The following NBAS variants were observed in gnomAD, a reference collection of about 807,000 sequenced individuals.
NBAS encodes the protein NBAS subunit of NRZ tethering complex.
NBAS carries 219 observed loss-of-function variants against 302.5 expected under a neutral mutation model. The observed-to-expected ratio is 0.72, with a 90% CI of 0.65 to 0.81. NBAS has a LOEUF of 0.81. Among genes scored for constraint, NBAS ranks in the 30% least tolerant of loss-of-function variants. NBAS has a pLI of 0.00. For missense variants in NBAS, 2,932 were observed against 2,841.6 expected (o/e 1.03, Z -0.72); for synonymous variants, 1,118 against 1,021.6 (o/e 1.09, Z -1.80).
At chr2:15,256,445 G>C (rs1202028231) in intron 44 of NBAS, among the ~76,000 whole-genome samples, 1 of 152,114 alleles carries the variant, frequency 6.6e-6, no homozygotes, top group African/African-American at 2.4e-5. Flanking sequence ...GAAGCTTTTT[G>C]GATGAGTCGT....
the NBAS span, among the ~76,000 whole-genome samples, chr2:14,783,103 C>A: frequency 6.6e-6 from 1 of 151,534 alleles, no homozygotes; most frequent in Non-Finnish European, 1.5e-5. Flanking sequence ...ACCCCTGAAC[C>A]GAAAATAAAA....
At chr2:15,032,278 G>C in the NBAS span, among the ~76,000 whole-genome samples, 1 of 152,198 alleles carries the variant, frequency 6.6e-6, no homozygotes, top group Admixed American at 6.5e-5. Flanking sequence ...GAGTTTTGAG[G>C]TGCATGCTAG....
In NBAS at chr2:15,374,858, T is replaced by C. The variant is rs2049720; in HGVS notation, c.3591-138A>G. The C allele has an allele frequency of 0.61, 440,254 of 718,908 alleles. 140,771 individuals carry two copies. The highest frequency in any genetic ancestry group is 0.68 in the Non-Finnish European group (283,447 of 418,092). 44.5% of individuals were successfully genotyped at this position (718,908 alleles called of 1,614,324 possible). A position where few individuals can be genotyped will look rare whatever the true frequency, so the allele number is the denominator to read the frequency against. Reference sequence around the variant, plus strand: ...TCATTCCGCTGGATGCCTTCTGTTATCTTAATCCTCATAGCAAGCCTCTGA... The same window carrying C: ...TCATTCCGCTGGATGCCTTCTGTTACCTTAATCCTCATAGCAAGCCTCTGA... On this transcript the variant is annotated intron_variant, in intron 30 of 51. Transcript: ENST00000281513.
intron 35 of NBAS, among the ~76,000 whole-genome samples, chr2:15,338,731 C>T (rs1672713387): frequency 6.8e-6 from 1 of 148,000 alleles, no homozygotes; most frequent in African/African-American, 2.5e-5. Context: ...GTATACTGGC[C>T]AGGTGCAGTG....
chr2:14,828,297 T>C, the NBAS span, among the ~76,000 whole-genome samples: 1 of 151,912 alleles, frequency 6.6e-6, no homozygotes, highest in South Asian at 2.1e-4. Context: ...GCTACTTGGG[T>C]TTGGTGAGCA....
intron 51 of NBAS, among the ~76,000 whole-genome samples, chr2:15,175,702 C>CTG (rs569658600): frequency 2.0e-5 from 3 of 152,130 alleles, no homozygotes; most frequent in Non-Finnish European, 4.4e-5. Flanking sequence ...AGGAAAGAGG[C>CTG]TGTTGGCCAT....
At chr2:15,102,296 T>C in the NBAS span, among the ~76,000 whole-genome samples, 2 of 152,070 alleles carry the variant, frequency 1.3e-5, no homozygotes, top group Non-Finnish European at 2.9e-5. Context: ...GCTGGGACTA[T>C]TACAAGAAGG....
intron 11 of NBAS, among the ~76,000 whole-genome samples, chr2:15,496,128 AATGGGCTATTATTCAG>A (rs1439578173): frequency 6.7e-6 from 1 of 150,290 alleles, no homozygotes; most frequent in Non-Finnish European, 1.5e-5. Context: ...ACACACACAC[AATGGGCTATTATTCAG>A]CAATAAAAAG....
chr2:15,284,635 AC>A (rs1381907703), intron 42 of NBAS, among the ~76,000 whole-genome samples: 1 of 152,236 alleles, frequency 6.6e-6, no homozygotes, highest in African/African-American at 2.4e-5. Flanking sequence ...CCTAAAACAA[AC>A]AACATTATTT....
chr2:15,244,061 C>G (rs543713542), intron 44 of NBAS, among the ~76,000 whole-genome samples: 1 of 152,152 alleles, frequency 6.6e-6, no homozygotes, highest in African/African-American at 2.4e-5. Context: ...TTTAAGCTAG[C>G]CCCCTTTAAG....
chr2:14,899,242 A>G, the NBAS span, among the ~76,000 whole-genome samples: 7 of 152,332 alleles, frequency 4.6e-5, no homozygotes, highest in African/African-American at 1.7e-4. Flanking sequence ...CAGACAGAAG[A>G]GGTGGGGACA....
chr2:14,839,200 TA>T, the NBAS span, among the ~76,000 whole-genome samples: 1 of 151,416 alleles, frequency 6.6e-6, no homozygotes, highest in East Asian at 2.0e-4. Context: ...AAATAGAAAT[TA>T]AAAAAAACTC....
At chr2:14,785,783 T>C in the NBAS span, among the ~76,000 whole-genome samples, 1 of 152,152 alleles carries the variant, frequency 6.6e-6, no homozygotes, top group Non-Finnish European at 1.5e-5. Flanking sequence ...AAAATTCTCT[T>C]TTTTTGGTTG....
the NBAS span, among the ~76,000 whole-genome samples, chr2:14,852,771 A>G: frequency 4.7e-5 from 7 of 147,650 alleles, no homozygotes; most frequent in African/African-American, 1.8e-4. Flanking sequence ...AATGCCGCAT[A>G]CCTACAACTA....
chr2:15,199,896 A>ATTTTTTTTTTTTT (rs35760010), intron 48 of NBAS, among the ~76,000 whole-genome samples: 1 of 121,450 alleles, frequency 8.2e-6, no homozygotes, highest in East Asian at 2.3e-4. Flanking sequence ...AGAAAGCTGG[A>ATTTTTTTTTTTTT]TTTTTTTTTT....
At chr2:15,265,540 A>G (rs534363523) in intron 44 of NBAS, among the ~76,000 whole-genome samples, 1 of 152,280 alleles carries the variant, frequency 6.6e-6, no homozygotes, top group Admixed American at 6.5e-5. Context: ...CACTAGAATG[A>G]GGGACCATAT....
chr2:15,157,125 A>G, the NBAS span, among the ~76,000 whole-genome samples: 72,472 of 151,868 alleles, frequency 0.48, 17,938 homozygotes, highest in African/African-American at 0.58. Context: ...GCACCCCACC[A>G]CACCAAGGAA....
chr2:15,141,908 T>C, the NBAS span, among the ~76,000 whole-genome samples: 2 of 152,188 alleles, frequency 1.3e-5, no homozygotes, highest in Non-Finnish European at 2.9e-5. Flanking sequence ...CGGGTTTTGT[T>C]TTCCCCTTCC....
chr2:15,124,475 T>C, the NBAS span, among the ~76,000 whole-genome samples: 2 of 152,210 alleles, frequency 1.3e-5, no homozygotes, highest in Non-Finnish European at 2.9e-5. Flanking sequence ...GAGCGACCAC[T>C]TGCTAGAGAG....
Sources: allele counts gnomAD v4.1 joint callset (sites outside exome capture counted in the v4.1 genomes callset), GRCh38; gene constraint gnomAD v4.1.1; transcripts MANE v1.5; gene names NCBI Gene and HGNC (gene_info 2026-07-23, HGNC 2026-07-21).